Variants in DLG2 observed in about 807,000 individuals in gnomAD.
The protein encoded by DLG2 is disks large homolog 2.
DLG2 carries 45 observed loss-of-function variants against 132.5 expected under a neutral mutation model. The observed-to-expected ratio is 0.34, with a 90% confidence interval of 0.27 to 0.44. The LOEUF (loss-of-function observed/expected upper bound fraction) is 0.44, where lower values mean the gene tolerates loss of function less well. Ranked by LOEUF, DLG2 falls within the 20% of genes least tolerant of loss-of-function variation. The pLI is 1.00. For missense variants in DLG2, 1,045 were observed against 1,196.9 expected (o/e 0.87, Z 1.87); for synonymous variants, 424 against 419.6 (o/e 1.01, Z -0.13).
chr11:84,038,606 C>T (rs1051674691), intron 11 of DLG2, among the ~76,000 whole-genome samples: 7 of 151,958 alleles, frequency 4.6e-5, no homozygotes, highest in Non-Finnish European at 1.0e-4. Flanking sequence ...ACATAGCTTC[C>T]CTCTCTGGGG....
intron 5 of DLG2, among the ~76,000 whole-genome samples, chr11:85,128,551 A>G (rs2075380813): frequency 6.6e-6 from 1 of 152,182 alleles, no homozygotes; most frequent in Admixed American, 6.5e-5. Flanking sequence ...AGAATTCCTA[A>G]GCAGTAAAAG....
intron 3 of DLG2, among the ~76,000 whole-genome samples, chr11:85,349,785 C>T (rs1327240101): frequency 1.3e-5 from 2 of 152,094 alleles, no homozygotes; most frequent in East Asian, 3.8e-4. Context: ...TGTATATGTG[C>T]CACATTTTCT....
At chr11:85,574,038 T>TAA (rs201267800) in intron 3 of DLG2, among the ~76,000 whole-genome samples, 1 of 151,726 alleles carries the variant, frequency 6.6e-6, no homozygotes, top group African/African-American at 2.4e-5. Flanking sequence ...TAAAAGCTGA[T>TAA]AAAAAAAAGC....
chr11:83,581,680 G>A (rs190787619), intron 19 of DLG2, among the ~76,000 whole-genome samples: 105 of 152,284 alleles, frequency 6.9e-4, no homozygotes, highest in Non-Finnish European at 1.3e-3. Context: ...ATCCTATGTG[G>A]AAGTTTTGAA....
chr11:85,062,541 G>GA lies in DLG2; in HGVS notation c.357+49119dup, dbSNP rs777444086. On this transcript the variant is annotated intron_variant, in intron 6 of 27. Coordinates refer to ENST00000376104, the MANE Select transcript of DLG2 (RefSeq NM_001142699.3). ...AAGATAGGTAGTATCACAGACAAAT[G>GA]AAAAAAAAAAACTGACAGGAAAGAT... is the stretch of plus-strand genomic sequence containing the variant. 1.8e-3 allele frequency among the ~76,000 whole-genome samples: 250 copies of GA among 140,890 alleles called. 2 individuals are homozygous for GA. In the South Asian group the frequency reaches 0.021, roughly 12 times the overall value. 92.4% of individuals were successfully genotyped at this position (140,890 alleles called of 152,430 possible).
chr11:85,313,773 CT>C (rs201065222), intron 3 of DLG2, among the ~76,000 whole-genome samples: 7 of 151,032 alleles, frequency 4.6e-5, no homozygotes, highest in South Asian at 2.1e-4. Context: ...ATGTATCTCT[CT>C]TTTTTTTTAT....
At chr11:85,472,665 C>T (rs1284380309) in intron 3 of DLG2, among the ~76,000 whole-genome samples, 1 of 152,188 alleles carries the variant, frequency 6.6e-6, no homozygotes, top group African/African-American at 2.4e-5. Context: ...CTTGTAACCT[C>T]ATTCTTAAAT....
intron 3 of DLG2, among the ~76,000 whole-genome samples, chr11:85,438,336 T>G (rs2091599382): frequency 6.6e-6 from 1 of 152,206 alleles, no homozygotes; most frequent in African/African-American, 2.4e-5. Flanking sequence ...TATAAAATAC[T>G]TGCTGTGACA....
chr11:84,650,881 A>ACATACATATATATATACATCTATAC, intron 6 of DLG2, among the ~76,000 whole-genome samples: 1 of 125,726 alleles, frequency 8.0e-6, no homozygotes, highest in East Asian at 2.0e-4. Context: ...GTGTATATAT[A>ACATACATATATATATACATCTATAC]TATATATATA....
intron 7 of DLG2, among the ~76,000 whole-genome samples, chr11:84,369,477 G>A (rs1004544122): frequency 4.6e-5 from 7 of 152,030 alleles, no homozygotes; most frequent in Non-Finnish European, 8.8e-5. Context: ...TTCAGATGAG[G>A]CAACTGAGGC....
intron 6 of DLG2, among the ~76,000 whole-genome samples, chr11:85,081,557 T>C (rs1302898399): frequency 6.6e-6 from 1 of 152,132 alleles, no homozygotes; most frequent in African/African-American, 2.4e-5. Flanking sequence ...TTACTCTAAT[T>C]TTTCTCAAAG....
At chr11:83,763,782 C>CAT (rs1236568549) in intron 18 of DLG2, among the ~76,000 whole-genome samples, 19 of 152,180 alleles carry the variant, frequency 1.2e-4, no homozygotes, top group Admixed American at 9.8e-4. Context: ...CCCCAGGACC[C>CAT]ATATCCCACT....
intron 4 of DLG2, among the ~76,000 whole-genome samples, chr11:85,181,722 T>C (rs922291356): frequency 3.3e-5 from 5 of 151,792 alleles, no homozygotes; most frequent in Admixed American, 6.6e-5. Flanking sequence ...ACTTTCTACA[T>C]GAAAGGAGAA....
At chr11:83,797,813 C>G (rs554839095) in intron 17 of DLG2, among the ~76,000 whole-genome samples, 6 of 152,178 alleles carry the variant, frequency 3.9e-5, no homozygotes, top group Non-Finnish European at 8.8e-5. Context: ...CCACTGCACC[C>G]GGCCGCGTTT....
chr11:83,488,172 T>G (rs2093635480), intron 21 of DLG2, among the ~76,000 whole-genome samples: 1 of 152,066 alleles, frequency 6.6e-6, no homozygotes. Context: ...TTTCTAATTT[T>G]ATTTGGTGTA....
intron 6 of DLG2, among the ~76,000 whole-genome samples, chr11:85,102,162 C>A (rs1294464429): frequency 6.6e-6 from 1 of 151,954 alleles, no homozygotes; most frequent in Non-Finnish European, 1.5e-5. Flanking sequence ...CATCAATTTG[C>A]CTATAGAGAT....
chr11:84,020,722 T>C (rs192507657), intron 11 of DLG2, among the ~76,000 whole-genome samples: 1 of 152,370 alleles, frequency 6.6e-6, no homozygotes, highest in African/African-American at 2.4e-5. Flanking sequence ...CAAGGACATT[T>C]GTATTGCTAT....
At chr11:85,545,388 G>C (rs971609590) in intron 3 of DLG2, among the ~76,000 whole-genome samples, 1 of 152,136 alleles carries the variant, frequency 6.6e-6, no homozygotes, top group African/African-American at 2.4e-5. Flanking sequence ...GATTCGGTTT[G>C]CCAGTATTTT....
At chr11:85,627,796 G>T (rs568219181), upstream of DLG2, 2 of 152,464 alleles carry the variant, frequency 1.3e-5, no homozygotes, top group East Asian at 3.9e-4. Flanking sequence ...CCCTCCACGC[G>T]ATGAAGTGTT....
Sources: allele counts gnomAD v4.1 joint callset (sites outside exome capture counted in the v4.1 genomes callset), GRCh38; gene constraint gnomAD v4.1.1; transcripts MANE v1.5; gene names NCBI Gene and HGNC (gene_info 2026-07-23, HGNC 2026-07-21).